Variants in UNC5C observed in about 807,000 individuals in gnomAD.
UNC5C encodes netrin receptor UNC5C.
In UNC5C, 47 loss-of-function variants were observed where a neutral mutation model predicts 99.8. That is an observed-to-expected ratio of 0.47 (90% CI 0.37 to 0.60). UNC5C has a LOEUF of 0.60. Among genes scored for constraint, UNC5C ranks in the 20% least tolerant of loss-of-function variants. The pLI, the probability that UNC5C is intolerant of heterozygous loss-of-function variation, is 0.00. For synonymous variants in UNC5C, 487 were observed against 452.2 expected, an observed-to-expected ratio of 1.08 and a Z score of -0.98; for missense variants, 1,062 against 1,165.9, an observed-to-expected ratio of 0.91 and a Z score of 1.30.
chr4:95,291,866 G>A (rs1215160344), intron 3 of UNC5C, among the ~76,000 whole-genome samples: 1 of 151,758 alleles, frequency 6.6e-6, no homozygotes, highest in African/African-American at 2.4e-5. Flanking sequence ...GATTAATGTG[G>A]GCTTTAATGG....
At chr4:95,437,607 A>T (rs554483917) in intron 1 of UNC5C, among the ~76,000 whole-genome samples, 1 of 152,090 alleles carries the variant, frequency 6.6e-6, no homozygotes, top group East Asian at 1.9e-4. Context: ...ACTACAGAAA[A>T]TTTTTGACTA....
chr4:95,177,314 C>T (rs1008304389), intron 14 of UNC5C, among the ~76,000 whole-genome samples: 1 of 152,194 alleles, frequency 6.6e-6, no homozygotes, highest in African/African-American at 2.4e-5. Context: ...AGAGGATGAA[C>T]TAACTGGCCA....
chr4:95,218,981 C>A lies in UNC5C; in HGVS notation c.1633G>T (p.Val545Phe). Residue 545 changes from valine to phenylalanine, a missense_variant, in exon 9 of 16, where the codon GTT (valine) becomes TTT (phenylalanine). Physicochemically the swap from Val to Phe is conservative, Grantham distance 50. This residue lies in a region of UNC5C where 810 missense variants were observed against 854.5 expected (regional missense o/e 0.95). Coordinates refer to ENST00000453304, the MANE Select transcript of UNC5C (RefSeq NM_003728.4). ...SFNSLGGHLI[V>F]PNSGVSLLIP... ...CTCTAGGAATTACCTGAATTGGGAACAATAAGGTGACCTCCCAGCGAGTTG... is the reference window on the plus strand; with the variant it reads ...CTCTAGGAATTACCTGAATTGGGAAAAATAAGGTGACCTCCCAGCGAGTTG... 1 of 1,606,924 alleles carries A rather than the reference C, an allele frequency of 6.2e-7. No individual in the cohort carries two copies. Among genetic ancestry groups the A allele is most frequent in the East Asian group, 2.2e-5 (1 of 44,744 alleles).
chr4:95,252,378 T>C (rs1739779128), intron 4 of UNC5C, among the ~76,000 whole-genome samples: 1 of 152,206 alleles, frequency 6.6e-6, no homozygotes, highest in Admixed American at 6.5e-5. Flanking sequence ...TCTACAATTT[T>C]TGTGCTCAGT....
rs150600232 is a variant in UNC5C, at chr4:95,239,548, C to G, written c.1108+2881G>C. ...GGACCCATGTCCATATCCAGCTCCC[C>G]GCTCCTGGTTATATTGGTGTCCACT... On this transcript the variant is annotated intron_variant, in intron 7 of 15. Coordinates refer to ENST00000453304, the MANE Select transcript of UNC5C (RefSeq NM_003728.4). Among the ~76,000 whole-genome samples, 515 of 152,218 alleles carry G rather than the reference C, an allele frequency of 3.4e-3. 1 individual carries two copies. The highest frequency in any genetic ancestry group is 5.0e-3 in the Non-Finnish European group (339 of 68,032).
chr4:95,354,479 A>ATATATATATATATATATTTTTTTTTT, intron 1 of UNC5C, among the ~76,000 whole-genome samples: 3 of 110,348 alleles, frequency 2.7e-5, no homozygotes, highest in South Asian at 2.9e-4. Flanking sequence ...ATATATATAT[A>ATATATATATATATATATTTTTTTTTT]TTTTTTTTTT....
intron 4 of UNC5C, among the ~76,000 whole-genome samples, chr4:95,258,250 G>T (rs1740078835): frequency 6.6e-6 from 1 of 152,088 alleles, no homozygotes; most frequent in South Asian, 2.1e-4. Flanking sequence ...GCTAATCTTG[G>T]TTAACCAGGA....
At chr4:95,256,036 C>T (rs1739966647) in intron 4 of UNC5C, among the ~76,000 whole-genome samples, 1 of 152,100 alleles carries the variant, frequency 6.6e-6, no homozygotes, top group South Asian at 2.1e-4. Context: ...TACTCCCTTC[C>T]TCCTCCTGAC....
At position 95,194,342 on chromosome 4, in the gene UNC5C, T is replaced by G. The variant is rs118025926; in HGVS notation, c.2136+8389A>C. On this transcript the variant is annotated intron_variant, in intron 12 of 15. Coordinates refer to ENST00000453304, the MANE Select transcript of UNC5C (RefSeq NM_003728.4). ...ACACATTATTTTTAAACTTCTATATTAGTTTTCTACTGTTGCCATAAGAAA... is the reference window on the plus strand; with the variant it reads ...ACACATTATTTTTAAACTTCTATATGAGTTTTCTACTGTTGCCATAAGAAA... 1.0e-3 allele frequency among the ~76,000 whole-genome samples: 158 copies of G among 152,332 alleles called. 4 individuals are homozygous for G. The East Asian group carries it at 0.027, about 26-fold the overall frequency.
chr4:95,364,027 T>C (rs1328471273), intron 1 of UNC5C, among the ~76,000 whole-genome samples: 1 of 152,224 alleles, frequency 6.6e-6, no homozygotes, highest in Non-Finnish European at 1.5e-5. Flanking sequence ...CATATTAAGA[T>C]GTGCCACTTG....
At chr4:95,448,236 G>GAGAGAGAGAGAGAC (rs1240114143) in intron 1 of UNC5C, among the ~76,000 whole-genome samples, 144 of 145,916 alleles carry the variant, frequency 9.9e-4, no homozygotes, top group Admixed American at 2.1e-3. Context: ...GTGAGAGAGA[G>GAGAGAGAGAGAGAC]AGAGAGAGAG....
At chr4:95,335,658 T>C (rs1446661154) in intron 1 of UNC5C, 27 bp from the exon 2 acceptor site, 5 of 1,561,874 alleles carry the variant, frequency 3.2e-6, no homozygotes, top group Non-Finnish European at 4.3e-6. Flanking sequence ...AAGTGGAAGA[T>C]GGTTAACACA....
intron 1 of UNC5C, among the ~76,000 whole-genome samples, chr4:95,458,885 T>C (rs1246622676): frequency 6.6e-6 from 1 of 152,056 alleles, no homozygotes; most frequent in Admixed American, 6.6e-5. Context: ...AATTTATATA[T>C]ATCACTTTAA....
At chr4:95,416,245 G>A (rs1746162057) in intron 1 of UNC5C, among the ~76,000 whole-genome samples, 1 of 152,150 alleles carries the variant, frequency 6.6e-6, no homozygotes, top group South Asian at 2.1e-4. Context: ...TAGACTAAGA[G>A]TTTGGAAAGA....
chr4:95,189,805 C>CAGTT (rs911407142), intron 12 of UNC5C, among the ~76,000 whole-genome samples: 1 of 152,192 alleles, frequency 6.6e-6, no homozygotes, highest in African/African-American at 2.4e-5. Context: ...CATCTCACAC[C>CAGTT]AGTTAGAATG....
intron 1 of UNC5C, among the ~76,000 whole-genome samples, chr4:95,397,057 A>AG (rs1001937172): frequency 6.6e-6 from 1 of 152,136 alleles, no homozygotes; most frequent in African/African-American, 2.4e-5. Flanking sequence ...GAGAAGGGGC[A>AG]GGGAAAAAAG....
At chr4:95,386,367 C>A (rs1194395157) in intron 1 of UNC5C, among the ~76,000 whole-genome samples, 2 of 152,154 alleles carry the variant, frequency 1.3e-5, no homozygotes, top group Admixed American at 1.3e-4. Flanking sequence ...ATCCCTCCCC[C>A]ATCCCCCTAC....
intron 1 of UNC5C, among the ~76,000 whole-genome samples, chr4:95,545,690 G>T (rs575366973): frequency 5.7e-4 from 86 of 152,158 alleles, no homozygotes; most frequent in African/African-American, 1.9e-3. Context: ...TATCAATGCT[G>T]TGTAGCCCAG....
intron 1 of UNC5C, among the ~76,000 whole-genome samples, chr4:95,510,437 T>C (rs552845710): frequency 6.6e-6 from 1 of 152,012 alleles, no homozygotes; most frequent in Non-Finnish European, 1.5e-5. Flanking sequence ...TTTTTTTCCT[T>C]AATTTTTTAT....
Sources: gnomAD v4.1 joint callset for allele counts (sites outside exome capture counted in the v4.1 genomes callset) on GRCh38, gnomAD v4.1.1 for gene constraint, gnomAD v4.1.1 regional missense constraint, MANE v1.5 for transcripts, NCBI Gene and HGNC (gene_info 2026-07-23, HGNC 2026-07-21) for gene names.